MCM5: variants seen among roughly 807,000 people sequenced by gnomAD.
MCM5 encodes DNA replication licensing factor MCM5.
A neutral mutation model predicts 79.9 loss-of-function variants in MCM5; 46 were observed. That is an observed-to-expected ratio of 0.58 (90% CI 0.45 to 0.74). The LOEUF is 0.74. MCM5 is among the 30% of genes least tolerant of loss of function. The probability of loss-of-function intolerance (pLI) is 0.00; values close to 1 mark genes in which losing one functional copy is unlikely to be tolerated. For missense variants in MCM5, 883 were observed against 1,017.0 expected, an observed-to-expected ratio of 0.87 and a Z score of 1.79; for synonymous variants, 404 against 390.5, an observed-to-expected ratio of 1.03 and a Z score of -0.41.
intron 15 of MCM5, chr22:35,421,879 C>G (rs969470703): frequency 6.8e-6 from 2 of 296,266 alleles, no homozygotes; most frequent in Non-Finnish European, 1.3e-5. Context: ...ACAGCTGACA[C>G]TCGAAGGGGC....
chr22:35,439,515 T>C, the MCM5 span, among the ~76,000 whole-genome samples: 1 of 149,342 alleles, frequency 6.7e-6, no homozygotes, highest in Admixed American at 6.8e-5. Flanking sequence ...ATTCATCCAT[T>C]CATCCACCCA....
At chr22:35,436,257 C>T in the MCM5 span, among the ~76,000 whole-genome samples, 24 of 152,248 alleles carry the variant, frequency 1.6e-4, no homozygotes, top group African/African-American at 5.3e-4. Context: ...CTGCCCTCCC[C>T]GGCCTGGATC....
the MCM5 span, among the ~76,000 whole-genome samples, chr22:35,434,784 C>T: frequency 1.3e-5 from 2 of 152,160 alleles, no homozygotes; most frequent in Non-Finnish European, 2.9e-5. Flanking sequence ...CCACTAATAG[C>T]CTGGGAAGGA....
downstream of MCM5, among the ~76,000 whole-genome samples, chr22:35,426,887 T>A (rs1932782493): frequency 6.6e-6 from 1 of 152,194 alleles, no homozygotes; most frequent in South Asian, 2.1e-4. Flanking sequence ...CTCACCACTA[T>A]GAGAGCCGCT....
intron 9 of MCM5, 25 bp from the exon 10 acceptor site, chr22:35,415,804 C>T (rs1457972638): frequency 6.2e-7 from 1 of 1,604,448 alleles, no homozygotes; most frequent in Non-Finnish European, 8.5e-7. Context: ...TGTTATTGGG[C>T]CCTGACACCA....
the MCM5 span, among the ~76,000 whole-genome samples, chr22:35,444,735 C>T: frequency 9.6e-4 from 146 of 152,332 alleles, no homozygotes; most frequent in African/African-American, 3.3e-3. Flanking sequence ...AGGCAGAGGC[C>T]AGGCACAGGG....
the MCM5 span, among the ~76,000 whole-genome samples, chr22:35,448,716 AAACG>A: frequency 6.6e-6 from 1 of 152,286 alleles, no homozygotes; most frequent in South Asian, 2.1e-4. Context: ...ATAATGCCAC[AAACG>A]AACACCCTCC....
the MCM5 span, among the ~76,000 whole-genome samples, chr22:35,449,084 G>T: frequency 1.3e-5 from 2 of 152,202 alleles, no homozygotes; most frequent in African/African-American, 4.8e-5. Flanking sequence ...TGTCAGCAGG[G>T]CAGGTTGAAG....
the MCM5 span, among the ~76,000 whole-genome samples, chr22:35,430,463 G>A: frequency 6.6e-6 from 1 of 151,296 alleles, no homozygotes; most frequent in African/African-American, 2.4e-5. Context: ...ACTTAATGCT[G>A]TGTTTTGGGC....
intron 14 of MCM5, 41 bp downstream of exon 14, chr22:35,420,053 T>G: frequency 6.4e-7 from 1 of 1,568,570 alleles, no homozygotes; most frequent in Non-Finnish European, 8.7e-7. Context: ...AGATGGGGCT[T>G]GCTTTACACA....
chr22:35,400,142 G>T lies in MCM5; in HGVS notation c.-75G>T. The T allele has an allele frequency of 2.6e-6, 1 of 387,502 alleles. No homozygotes were observed. Among genetic ancestry groups the T allele is most frequent in the South Asian group, 2.4e-5 (1 of 40,978 alleles). The allele number at this position is 387,502 out of a possible 1,614,324, so 24.0% of individuals were successfully genotyped here. On this transcript the variant is annotated 5_prime_UTR_variant, in exon 1 of 17. Coordinates refer to ENST00000216122, the MANE Select transcript of MCM5 (RefSeq NM_006739.4). The stretch of plus-strand genomic sequence containing the variant: ...CCGAACACCGCCTCTTGTTTTTCCC[G>T]CGAAACTCGGCGGCTGAGCGTGGAG...
chr22:35,421,636 C>T, intron 15 of MCM5, 176 bp downstream of exon 15: 1 of 800,234 alleles, frequency 1.2e-6, no homozygotes, highest in Non-Finnish European at 2.1e-6. Flanking sequence ...CTCCCCACCG[C>T]TGTTTCCTCC....
the MCM5 span, among the ~76,000 whole-genome samples, chr22:35,443,896 C>A: frequency 3.9e-5 from 6 of 152,244 alleles, no homozygotes; most frequent in Middle Eastern, 3.2e-3. Context: ...AGCCAGAACA[C>A]ATGGTTTGAA....
chr22:35,432,645 CTGGCCAT>C, the MCM5 span, among the ~76,000 whole-genome samples: 1 of 152,210 alleles, frequency 6.6e-6, no homozygotes, highest in Non-Finnish European at 1.5e-5. Context: ...GTCCCTGGCC[CTGGCCAT>C]CTGCTCAGCC....
chr22:35,448,040 A>G, the MCM5 span, among the ~76,000 whole-genome samples: 1 of 152,210 alleles, frequency 6.6e-6, no homozygotes, highest in Admixed American at 6.5e-5. Context: ...GTTTCTCCCC[A>G]GGTGGGGAAC....
intron 7 of MCM5, among the ~76,000 whole-genome samples, chr22:35,411,925 C>A (rs980712299): frequency 3.2e-4 from 48 of 152,324 alleles, no homozygotes; most frequent in African/African-American, 1.1e-3. Context: ...TCCTCTCAGT[C>A]TTCCCATCTT....
At chr22:35,439,802 A>G in the MCM5 span, among the ~76,000 whole-genome samples, 1 of 152,196 alleles carries the variant, frequency 6.6e-6, no homozygotes, top group East Asian at 1.9e-4. Context: ...TCCCCATCTG[A>G]AAAGTGGGAA....
At chr22:35,410,671 T>C (rs546464266) in intron 6 of MCM5, 73 bp from the exon 7 acceptor site, 1 of 1,441,060 alleles carries the variant, frequency 6.9e-7, no homozygotes, top group African/African-American at 1.4e-5. Flanking sequence ...GTCCTGGGCA[T>C]GGGTGGAATC....
the MCM5 span, among the ~76,000 whole-genome samples, chr22:35,431,336 C>T: frequency 6.6e-5 from 10 of 152,180 alleles, no homozygotes; most frequent in Admixed American, 2.0e-4. Flanking sequence ...TCCAAACCCA[C>T]GGATGCCCAA....
Sources: gnomAD v4.1 joint callset for allele counts (sites outside exome capture counted in the v4.1 genomes callset) on GRCh38, gnomAD v4.1.1 for gene constraint, MANE v1.5 for transcripts, NCBI Gene and HGNC (gene_info 2026-07-23, HGNC 2026-07-21) for gene names.